CCNB3: variants seen among roughly 807,000 people sequenced by gnomAD.
CCNB3 encodes G2/mitotic-specific cyclin-B3.
CCNB3 carries 12 observed loss-of-function variants against 68.0 expected under a neutral mutation model. The ratio of observed to expected loss-of-function variants is 0.18; its 90% CI spans 0.11 to 0.29. CCNB3 has a LOEUF of 0.29. CCNB3 is among the 10% of genes least tolerant of loss of function. CCNB3 has a pLI of 1.00. For synonymous variants in CCNB3, 354 were observed against 388.9 expected (o/e 0.91, Z 1.06); for missense variants, 904 against 993.1 (o/e 0.91, Z 1.21).
intron 4 of CCNB3, among the ~76,000 whole-genome samples, chrX:50,291,896 A>C (rs1557210154): frequency 8.9e-6 from 1 of 111,872 alleles, no homozygotes; most frequent in African/African-American, 3.2e-5. Flanking sequence ...TTATGATCTG[A>C]TGATACAAAG....
At chrX:50,303,623 G>T (rs1382739034) in intron 5 of CCNB3, among the ~76,000 whole-genome samples, 1 of 110,446 alleles carries the variant, frequency 9.1e-6, no homozygotes, top group African/African-American at 3.3e-5. Context: ...ATTTTTTTAT[G>T]CTTTTATTTC....
At chrX:50,328,853 A>G (rs1557217672) in intron 8 of CCNB3, among the ~76,000 whole-genome samples, 2 of 112,619 alleles carry the variant, frequency 1.8e-5, no homozygotes, top group Non-Finnish European at 1.9e-5. Context: ...TCCAAAAGGG[A>G]GAATGAACGA....
chrX:50,286,153 A>G (rs986193160), intron 3 of CCNB3, among the ~76,000 whole-genome samples: 1 of 112,223 alleles, frequency 8.9e-6, no homozygotes, highest in African/African-American at 3.2e-5. Flanking sequence ...ATTGGATAAC[A>G]GTTTATTTCT....
At chrX:50,318,171 T>TA (rs1264979215) in intron 8 of CCNB3, among the ~76,000 whole-genome samples, 1 of 108,354 alleles carries the variant, frequency 9.2e-6, no homozygotes, top group Non-Finnish European at 1.9e-5. Context: ...GTTTTATAGT[T>TA]AGTCTTAAAA....
Position 50,311,019 on chromosome X carries a change from C to T in CCNB3, c.2850C>T (p.Ala950=). 8.3e-7 allele frequency: 1 copy of T among 1,210,361 alleles called. No individual in the cohort carries two copies. Among genetic ancestry groups the T allele is most frequent in the Non-Finnish European group, 1.1e-6 (1 of 895,156 alleles). ...GKELSFKEPL[A]LQESPTYKED... ...AGTTGTCCTTCAAGGAGCCATTAGC[C>T]TTACAAGAGAGTCCCACCTACAAGG... The change falls in exon 6 of 13, where the codon GCC becomes GCT. Residue 950 remains alanine, a synonymous_variant. Transcript: ENST00000376042.
Position 50,309,055 on chromosome X carries a change from A to T in CCNB3, c.886A>T (p.Ile296Leu). The T allele has an allele frequency of 8.3e-7, 1 of 1,211,188 alleles. No homozygotes were observed. The highest frequency in any genetic ancestry group is 1.1e-6 in the Non-Finnish European group (1 of 895,038). The change falls in exon 6 of 13, where the codon ATA becomes TTA. Residue 296 changes from isoleucine (I) to leucine (L), a missense_variant. Ile to Leu is a conservative substitution (Grantham distance 5, BLOSUM62 2). Coordinates refer to ENST00000376042, the MANE Select transcript of CCNB3 (RefSeq NM_033031.3). Reference sequence around the variant, plus strand: ...GAAGAAATGTACCATTTATGGGAAGATATGCCACTTTAGGAAGCCACCAGT... The same window carrying T: ...GAAGAAATGTACCATTTATGGGAAGTTATGCCACTTTAGGAAGCCACCAGT... ...LKKKCTIYGK[I>L]CHFRKPPVLQ...
At chrX:50,291,022 T>G (rs1936338752) in intron 4 of CCNB3, among the ~76,000 whole-genome samples, 1 of 111,846 alleles carries the variant, frequency 8.9e-6, no homozygotes, top group Non-Finnish European at 1.9e-5. Flanking sequence ...AATTTGCTTC[T>G]TACAGTCAGT....
intron 5 of CCNB3, among the ~76,000 whole-genome samples, chrX:50,298,513 G>T (rs1374499403): frequency 8.9e-6 from 1 of 111,872 alleles, no homozygotes; most frequent in African/African-American, 3.3e-5. Context: ...GCTTTTTGCT[G>T]TGCTGCTGGA....
chrX:50,208,008 G>T (rs1458328205), intron 1 of CCNB3, among the ~76,000 whole-genome samples: 3 of 111,695 alleles, frequency 2.7e-5, no homozygotes, highest in Non-Finnish European at 5.6e-5. Flanking sequence ...AGTATAAATG[G>T]AATAATACAA....
At position 50,223,274 on chromosome X, in the gene CCNB3, A is replaced by G. The variant is rs1035336174; in HGVS notation, c.-113+18324A>G. Among the ~76,000 whole-genome samples, 32 of 111,313 alleles carry G rather than the reference A, an allele frequency of 2.9e-4. No homozygotes were observed. In the East Asian group the frequency reaches 8.8e-3, roughly 31 times the overall value. On this transcript the variant is annotated intron_variant, in intron 1 of 12. Transcript: ENST00000376042. ...TGAAGCCTACTTCTGTCAAATCATC[A>G]AACTCATTCTCTGTCCAGTTTGTTC...
chrX:50,335,612 C>A (rs1295753879), intron 8 of CCNB3, among the ~76,000 whole-genome samples: 1 of 112,070 alleles, frequency 8.9e-6, no homozygotes, highest in Non-Finnish European at 1.9e-5. Context: ...GGCTTAACTT[C>A]TATGAGTACA....
chrX:50,333,904 T>C (rs1379646311), intron 8 of CCNB3, among the ~76,000 whole-genome samples: 2 of 111,412 alleles, frequency 1.8e-5, no homozygotes, highest in Non-Finnish European at 3.8e-5. Context: ...CTCTAGTAAT[T>C]GTAGAATTTC....
chrX:50,324,194 G>A (rs1261243839), intron 8 of CCNB3, among the ~76,000 whole-genome samples: 1 of 111,113 alleles, frequency 9.0e-6, no homozygotes, highest in Non-Finnish European at 1.9e-5. Flanking sequence ...ACAGGCGTGC[G>A]CCACTACTGC....
chrX:50,210,857 T>C (rs1303529241), intron 1 of CCNB3, among the ~76,000 whole-genome samples: 1 of 111,989 alleles, frequency 8.9e-6, no homozygotes, highest in Non-Finnish European at 1.9e-5. Context: ...CGAGTCACGC[T>C]GGAGATGTGG....
chrX:50,226,670 T>C (rs1311068344), intron 1 of CCNB3, among the ~76,000 whole-genome samples: 167 of 80,872 alleles, frequency 2.1e-3, no homozygotes, highest in Non-Finnish European at 2.7e-3. Context: ...TAAATATATA[T>C]AGAACATATC....
intron 10 of CCNB3, among the ~76,000 whole-genome samples, 166 bp from the exon 11 acceptor site, chrX:50,347,460 G>C (rs113722574): frequency 0.034 from 3,690 of 110,007 alleles, 170 homozygotes; most frequent in African/African-American, 0.12. Context: ...TAAAGAGTCT[G>C]TTTTTGTGGG....
At chrX:50,341,895 AAGTATT>A (rs1175362701) in intron 8 of CCNB3, 4 of 210,550 alleles carry the variant, frequency 1.9e-5, no homozygotes, top group Non-Finnish European at 2.6e-5. Context: ...GCAAGAACCT[AAGTATT>A]AGAGATCAAA....
intron 8 of CCNB3, among the ~76,000 whole-genome samples, chrX:50,332,341 A>G (rs2147089025): frequency 9.0e-6 from 1 of 111,500 alleles, no homozygotes; most frequent in East Asian, 2.8e-4. Context: ...TTATATAAAC[A>G]TGTTCCTTTT....
At chrX:50,299,273 G>A (rs1936566015) in intron 5 of CCNB3, among the ~76,000 whole-genome samples, 1 of 110,721 alleles carries the variant, frequency 9.0e-6, no homozygotes, top group Non-Finnish European at 1.9e-5. Flanking sequence ...GGCATTTAGT[G>A]CTATAAATTT....
Sources: allele counts gnomAD v4.1 joint callset (sites outside exome capture counted in the v4.1 genomes callset), GRCh38; gene constraint gnomAD v4.1.1; transcripts MANE v1.5; gene names NCBI Gene and HGNC (gene_info 2026-07-23, HGNC 2026-07-21).